MYH11: variants seen among roughly 807,000 people sequenced by gnomAD.
MYH11 encodes the protein myosin-11.
Under a neutral mutation model 246.6 loss-of-function variants are expected in MYH11, and 80 were observed. The ratio of observed to expected loss-of-function variants is 0.32; its 90% CI spans 0.27 to 0.39. The LOEUF (loss-of-function observed/expected upper bound fraction) is 0.39. Ranked by LOEUF, MYH11 falls within the 10% of genes least tolerant of loss-of-function variation. The probability of loss-of-function intolerance (pLI) is 1.00; values close to 1 mark genes in which losing one functional copy is unlikely to be tolerated. For synonymous variants in MYH11, 1,071 were observed against 1,015.5 expected (o/e 1.05, Z -1.04); for missense variants, 2,158 against 2,546.8 (o/e 0.85, Z 3.29).
At position 15,728,625 on chromosome 16, in the gene MYH11, C is replaced by T. The variant is rs149849198; in HGVS notation, c.3652-1571G>A. Among the ~76,000 whole-genome samples the T allele has an allele frequency of 8.8e-3, 1,344 of 152,100 alleles. 72 individuals are homozygous for T. The highest frequency in any genetic ancestry group is 0.079 in the Admixed American group (1,211 of 15,258). On this transcript the variant is annotated intron_variant, in intron 27 of 40. Transcript: ENST00000300036. ...AAAAAAAAAGTGTGTTGGGGCCAGG[C>T]GCGGTGGCTCAGGCCTAGAATCCCA...
chr16:15,720,710 G>C (rs2040420933), intron 33 of MYH11, 129 bp downstream of exon 33: 5 of 1,044,636 alleles, frequency 4.8e-6, no homozygotes, highest in Non-Finnish European at 5.7e-6. Context: ...TCCAGCCTGG[G>C]CGACAGAGCG....
Position 15,720,913 on chromosome 16 carries a change from T to G in MYH11, c.4717A>C (p.Lys1573Gln). ...TGGAGATCCCTTTCGAACTGGCCCT[T>G]GAGCGCCTGCATGTTGACTTCCAGC... The part of the protein sequence containing the change: ...LRLEVNMQAL[K>Q]GQFERDLQAR... The change falls in exon 33 of 41, where the codon AAG becomes CAG. Residue 1573 changes from lysine to glutamine, a missense_variant. Physicochemically the swap from Lys to Gln is moderately conservative, Grantham distance 53. This residue lies in a region of MYH11 where 1,013 missense variants were observed against 993.5 expected (regional missense o/e 1.02). Transcript: ENST00000300036. 6 of 1,613,814 alleles carry G rather than the reference T, an allele frequency of 3.7e-6. No homozygotes were observed. Among genetic ancestry groups the G allele is most frequent in the East Asian group, 2.2e-5 (1 of 44,836 alleles).
At chr16:15,807,361 T>C (rs2043037814) in intron 3 of MYH11, among the ~76,000 whole-genome samples, 1 of 152,074 alleles carries the variant, frequency 6.6e-6, no homozygotes. Flanking sequence ...GGCAAAGAAA[T>C]GACCGTAAGA....
At chr16:15,823,882 C>T (rs1397195881) in intron 2 of MYH11, among the ~76,000 whole-genome samples, 1 of 152,146 alleles carries the variant, frequency 6.6e-6, no homozygotes, top group Non-Finnish European at 1.5e-5. Flanking sequence ...TCATTTCAGC[C>T]TCCCAAAGCA....
intron 4 of MYH11, among the ~76,000 whole-genome samples, chr16:15,788,118 A>G (rs1222675174): frequency 2.5e-5 from 2 of 81,484 alleles, no homozygotes; most frequent in African/African-American, 1.0e-4. Context: ...TTCGTGCACT[A>G]GCTGCCTGTT....
chr16:15,714,674 G>C (rs980715096), intron 40 of MYH11: 2 of 604,268 alleles, frequency 3.3e-6, no homozygotes, highest in South Asian at 3.9e-5. Flanking sequence ...GATGGGAGAC[G>C]GTCGATCGTT....
At chr16:15,821,709 G>A (rs1038878835) in intron 3 of MYH11, among the ~76,000 whole-genome samples, 3 of 139,990 alleles carry the variant, frequency 2.1e-5, no homozygotes, top group Admixed American at 7.0e-5. Flanking sequence ...ATGAGGTCAG[G>A]AGATCGAGAC....
chr16:15,708,383 A>G (rs529553900), intron 40 of MYH11, among the ~76,000 whole-genome samples: 19 of 152,310 alleles, frequency 1.2e-4, no homozygotes, highest in African/African-American at 4.1e-4. Flanking sequence ...GTGCCCAGAT[A>G]GTGGAACTGT....
chr16:15,774,781 G>T (rs941183080), intron 8 of MYH11, among the ~76,000 whole-genome samples: 2 of 152,098 alleles, frequency 1.3e-5, no homozygotes, highest in Non-Finnish European at 2.9e-5. Context: ...GGGAGACAGG[G>T]TTTCACTATC....
At chr16:15,766,099 T>G (rs761219926) in intron 9 of MYH11, among the ~76,000 whole-genome samples, 1 of 152,078 alleles carries the variant, frequency 6.6e-6, no homozygotes, top group Non-Finnish European at 1.5e-5. Context: ...ACCACAAATG[T>G]CACCAGATAC....
chr16:15,752,907 G>T (rs976856240), intron 15 of MYH11, among the ~76,000 whole-genome samples: 2 of 152,120 alleles, frequency 1.3e-5, no homozygotes, highest in African/African-American at 4.8e-5. Context: ...CTTCCAGGGG[G>T]TCATGATGCC....
In MYH11 at chr16:15,715,408, T is replaced by C. The variant is rs2040072128; in HGVS notation, c.5505-136A>G. On this transcript the variant is annotated intron_variant, in intron 38 of 40. Transcript: ENST00000300036. ...CTCCTCTCAAGAATCAGTCAGATGGTGGAATAGTATTCAGCCATGAAAAGG... is the reference window on the plus strand; with the variant it reads ...CTCCTCTCAAGAATCAGTCAGATGGCGGAATAGTATTCAGCCATGAAAAGG... 9 of 773,606 alleles carry C rather than the reference T, an allele frequency of 1.2e-5. No homozygotes were observed. The Admixed American group carries it at 1.4e-4, about 12-fold the overall frequency. 47.9% of individuals were successfully genotyped at this position (773,606 alleles called of 1,614,324 possible). A position where few individuals can be genotyped will look rare whatever the true frequency, so the allele number is the denominator to read the frequency against.
chr16:15,722,958 G>A (rs1596726000), intron 31 of MYH11, among the ~76,000 whole-genome samples: 1 of 152,150 alleles, frequency 6.6e-6, no homozygotes, highest in South Asian at 2.1e-4. Flanking sequence ...TGGCCAGGCT[G>A]GTCTCAAACC....
intron 1 of MYH11, among the ~76,000 whole-genome samples, chr16:15,843,169 A>C (rs147542684): frequency 1.5e-3 from 226 of 152,112 alleles, no homozygotes; most frequent in African/African-American, 5.3e-3. Flanking sequence ...CAAGAGTTTG[A>C]GGCCAGCCTG....
intron 40 of MYH11, chr16:15,713,287 T>C (rs1251926697): frequency 6.6e-6 from 1 of 150,746 alleles, no homozygotes; most frequent in Non-Finnish European, 1.5e-5. Context: ...TGCACGGAGG[T>C]AGGATGATGA....
At chr16:15,745,808 A>C (rs973499163) in intron 19 of MYH11, among the ~76,000 whole-genome samples, 21 of 151,930 alleles carry the variant, frequency 1.4e-4, no homozygotes, top group Non-Finnish European at 5.9e-5. Context: ...GTGGGTCTCA[A>C]ACTCCTGACC....
chr16:15,786,817 C>G, intron 4 of MYH11, 85 bp from the exon 5 acceptor site: 1 of 1,185,796 alleles, frequency 8.4e-7, no homozygotes, highest in Non-Finnish European at 1.2e-6. Flanking sequence ...CAATAATGAT[C>G]ATCACCACCA....
At chr16:15,798,140 G>A (rs955275026) in intron 4 of MYH11, among the ~76,000 whole-genome samples, 5 of 152,120 alleles carry the variant, frequency 3.3e-5, no homozygotes, top group African/African-American at 4.8e-5. Context: ...AAATACAATA[G>A]TGAAAACTCT....
intron 2 of MYH11, among the ~76,000 whole-genome samples, chr16:15,826,599 A>AGAAAAAAAAAG (rs2043572862): frequency 1.3e-5 from 2 of 151,506 alleles, no homozygotes; most frequent in Non-Finnish European, 2.9e-5. Context: ...AAAAAGAAAA[A>AGAAAAAAAAAG]GAAAGAAAAA....
Sources: gnomAD v4.1 joint callset for allele counts (sites outside exome capture counted in the v4.1 genomes callset) on GRCh38, gnomAD v4.1.1 for gene constraint, gnomAD v4.1.1 regional missense constraint, MANE v1.5 for transcripts, NCBI Gene and HGNC (gene_info 2026-07-23, HGNC 2026-07-21) for gene names.